GRIK2: variants seen among roughly 807,000 people sequenced by gnomAD.
GRIK2 encodes glutamate ionotropic receptor kainate type subunit 2.
Under a neutral mutation model 100.3 loss-of-function variants are expected in GRIK2, and 32 were observed. That is an observed-to-expected ratio of 0.32 (90% CI 0.24 to 0.43). The LOEUF (loss-of-function observed/expected upper bound fraction) is 0.43. Ranked by LOEUF, GRIK2 falls within the 20% of genes least tolerant of loss-of-function variation. The probability of loss-of-function intolerance (pLI) is 1.00; values close to 1 mark genes in which losing one functional copy is unlikely to be tolerated. For synonymous variants in GRIK2, 417 were observed against 389.4 expected (o/e 1.07, Z -0.83); for missense variants, 843 against 1,114.9 (o/e 0.76, Z 3.47).
At chr6:101,649,992 G>A (rs1013181716) in intron 4 of GRIK2, among the ~76,000 whole-genome samples, 2 of 152,112 alleles carry the variant, frequency 1.3e-5, no homozygotes, top group African/African-American at 4.8e-5. Context: ...ATTTCACACA[G>A]TTAAGGCTCA....
At chr6:101,497,325 T>C (rs897638097) in intron 2 of GRIK2, among the ~76,000 whole-genome samples, 6 of 152,202 alleles carry the variant, frequency 3.9e-5, no homozygotes, top group African/African-American at 1.4e-4. Flanking sequence ...TGTCTAACTT[T>C]CCAACTTTCT....
At chr6:101,633,332 C>T (rs1780853494) in intron 4 of GRIK2, among the ~76,000 whole-genome samples, 1 of 152,112 alleles carries the variant, frequency 6.6e-6, no homozygotes. Flanking sequence ...ATTGTGGTTA[C>T]TACGGTCTTT....
intron 10 of GRIK2, among the ~76,000 whole-genome samples, chr6:101,850,918 T>G (rs1246438299): frequency 1.3e-5 from 2 of 152,052 alleles, no homozygotes; most frequent in Admixed American, 6.6e-5. Context: ...TTACGTGAGG[T>G]TATTATTTAT....
chr6:102,020,968 A>C (rs1458089524), intron 14 of GRIK2, among the ~76,000 whole-genome samples: 1 of 151,818 alleles, frequency 6.6e-6, no homozygotes, highest in African/African-American at 2.4e-5. Flanking sequence ...ATATTTGAGA[A>C]TATTCATATA....
chr6:101,571,046 G>GGC (rs1265988451), intron 2 of GRIK2, among the ~76,000 whole-genome samples: 1 of 114,304 alleles, frequency 8.7e-6, no homozygotes, highest in Non-Finnish European at 1.8e-5. Flanking sequence ...AAATATTCTA[G>GGC]GCTGCTATGT....
chr6:101,718,088 GTTTATT>G (rs1339034590), intron 7 of GRIK2, among the ~76,000 whole-genome samples: 1 of 151,592 alleles, frequency 6.6e-6, no homozygotes, highest in Admixed American at 6.6e-5. Context: ...GATTTACAAT[GTTTATT>G]TTTATATTTT....
chr6:101,731,609 C>G (rs1248119572), intron 7 of GRIK2, among the ~76,000 whole-genome samples: 1 of 151,818 alleles, frequency 6.6e-6, no homozygotes, highest in Non-Finnish European at 1.5e-5. Context: ...AATTGTTACT[C>G]TTATACAGAT....
At chr6:101,846,505 A>C (rs1783819674) in intron 10 of GRIK2, among the ~76,000 whole-genome samples, 1 of 152,084 alleles carries the variant, frequency 6.6e-6, no homozygotes, top group African/African-American at 2.4e-5. Context: ...TTTCTGGTTT[A>C]GTATCAGGGT....
chr6:101,860,876 T>G (rs990478902), intron 11 of GRIK2: 1 of 711,038 alleles, frequency 1.4e-6, no homozygotes, highest in African/African-American at 1.9e-5. Flanking sequence ...TTGGATTTAT[T>G]TTTATTTCTC....
chr6:101,951,127 GCA>G (rs1791580842), intron 14 of GRIK2, among the ~76,000 whole-genome samples: 1 of 152,166 alleles, frequency 6.6e-6, no homozygotes, highest in Admixed American at 6.5e-5. Context: ...ATCATTGAGT[GCA>G]GTCATCCAAA....
chr6:101,897,231 C>A (rs2128460130), intron 12 of GRIK2, among the ~76,000 whole-genome samples: 1 of 151,662 alleles, frequency 6.6e-6, no homozygotes, highest in Non-Finnish European at 1.5e-5. Flanking sequence ...TTCTTTTTTT[C>A]TTTTTCCTTT....
At chr6:102,020,476 C>T (rs1459301605) in intron 14 of GRIK2, among the ~76,000 whole-genome samples, 2 of 151,768 alleles carry the variant, frequency 1.3e-5, no homozygotes, top group African/African-American at 2.4e-5. Context: ...TCTAGCTAAA[C>T]CATCCTAAGA....
intron 7 of GRIK2, among the ~76,000 whole-genome samples, chr6:101,712,700 T>A (rs1289124499): frequency 1.3e-5 from 2 of 151,782 alleles, no homozygotes; most frequent in East Asian, 3.9e-4. Flanking sequence ...TTTATCACCA[T>A]TGAGGGATAC....
At position 101,881,924 on chromosome 6, in the gene GRIK2, G is replaced by T. The variant is rs569624652; in HGVS notation, c.1525-7716G>T. On this transcript the variant is annotated intron_variant, in intron 11 of 16. Coordinates refer to ENST00000369134, the MANE Select transcript of GRIK2 (RefSeq NM_021956.5). Reference sequence around the variant, plus strand: ...ACGCTGTTGATAAAGACATACCTGAGACTGGGTAATTCATAAAGAAAAAGT... The same window carrying T: ...ACGCTGTTGATAAAGACATACCTGATACTGGGTAATTCATAAAGAAAAAGT... 1.7e-4 allele frequency among the ~76,000 whole-genome samples: 26 copies of T among 152,188 alleles called. No individual in the cohort carries two copies. In the South Asian group the frequency reaches 5.2e-3, roughly 30 times the overall value.
chr6:102,035,521 G>A lies in GRIK2; in HGVS notation c.2266G>A (p.Gly756Ser). ...GCGGAACTGTAACCTGACACAGATTGGCGGCCTTATAGACTCTAAAGGTTA... is the reference window on the plus strand; with the variant it reads ...GCGGAACTGTAACCTGACACAGATTAGCGGCCTTATAGACTCTAAAGGTTA... ...TQRNCNLTQI[G>S]GLIDSKGYGV... The change falls in exon 15 of 17, where the codon GGC becomes AGC. Residue 756 changes from glycine (G) to serine (S), a missense_variant. Around this residue, in one of 3 missense-constraint regions of GRIK2, gnomAD observed 237 missense variants for 388.0 expected, o/e 0.61. Coordinates refer to ENST00000369134, the MANE Select transcript of GRIK2 (RefSeq NM_021956.5). 1.2e-6 allele frequency: 2 copies of A among 1,609,608 alleles called. No homozygotes were observed. The highest frequency in any genetic ancestry group is 1.7e-6 in the Non-Finnish European group (2 of 1,176,868).
chr6:101,978,301 T>A (rs1042125927), intron 14 of GRIK2, among the ~76,000 whole-genome samples: 3 of 152,018 alleles, frequency 2.0e-5, no homozygotes, highest in African/African-American at 7.2e-5. Context: ...TATACATTTC[T>A]ATATGTAATT....
chr6:101,590,262 G>C (rs1778577812), intron 2 of GRIK2, among the ~76,000 whole-genome samples: 1 of 151,984 alleles, frequency 6.6e-6, no homozygotes, highest in South Asian at 2.1e-4. Context: ...TACTGAAGCT[G>C]GGCCCTACAA....
At chr6:101,910,839 C>CACACACACACACACACA (rs1554284826) in intron 12 of GRIK2, among the ~76,000 whole-genome samples, 70 of 143,368 alleles carry the variant, frequency 4.9e-4, no homozygotes, top group African/African-American at 1.7e-3. Flanking sequence ...CCAACATACA[C>CACACACACACACACACA]CACACACACA....
At chr6:101,992,839 C>T (rs577386696) in intron 14 of GRIK2, among the ~76,000 whole-genome samples, 1 of 151,602 alleles carries the variant, frequency 6.6e-6, no homozygotes, top group African/African-American at 2.4e-5. Context: ...TGAAGAATTT[C>T]ACTACTTTGG....
Sources: allele counts gnomAD v4.1 joint callset (sites outside exome capture counted in the v4.1 genomes callset), GRCh38; gene constraint gnomAD v4.1.1; regional missense constraint gnomAD v4.1.1; transcripts MANE v1.5; gene names NCBI Gene and HGNC (gene_info 2026-07-23, HGNC 2026-07-21).